PXDNL: variants seen among roughly 807,000 people sequenced by gnomAD.
PXDNL encodes the protein peroxidasin like.
A neutral mutation model predicts 150.8 loss-of-function variants in PXDNL; 145 were observed. The ratio of observed to expected loss-of-function variants is 0.96; its 90% CI spans 0.84 to 1.10. The LOEUF (loss-of-function observed/expected upper bound fraction) is 1.10. PXDNL is among the 50% of genes least tolerant of loss of function. The probability of loss-of-function intolerance (pLI) is 0.00; values close to 1 mark genes in which losing one functional copy is unlikely to be tolerated. For missense variants in PXDNL, 2,087 were observed against 1,873.9 expected, an observed-to-expected ratio of 1.11 and a Z score of -2.10; for synonymous variants, 757 against 725.7, an observed-to-expected ratio of 1.04 and a Z score of -0.69.
At position 51,578,005 on chromosome 8, in the gene PXDNL, G is replaced by GAAA. The variant is rs1813117276; in HGVS notation, c.308+14621_308+14622insTTT. On this transcript the variant is annotated intron_variant, in intron 3 of 22. Coordinates refer to ENST00000356297, the MANE Select transcript of PXDNL (RefSeq NM_144651.5). ...AAAGAAAGAAAGAAAGAAAGAGGAA[G>GAAA]GAAGGAAGGAAGGAAGGAAGGAAGG... Among the ~76,000 whole-genome samples the GAAA allele has an allele frequency of 3.6e-4, 27 of 74,936 alleles. 1 individual carries two copies. The highest frequency in any genetic ancestry group is 7.3e-4 in the African/African-American group (9 of 12,294). The allele number at this position is 74,936 out of a possible 152,430, so 49.2% of individuals were successfully genotyped here.
chr8:51,539,548 T>C (rs1812165919), intron 4 of PXDNL, among the ~76,000 whole-genome samples: 1 of 152,178 alleles, frequency 6.6e-6, no homozygotes, highest in Admixed American at 6.5e-5. Context: ...AAATATTTGT[T>C]AGAATTTAAC....
In PXDNL at chr8:51,538,816, G is replaced by C. The variant is rs1164221806; in HGVS notation, c.380+18024C>G. Among the ~76,000 whole-genome samples the C allele has an allele frequency of 2.0e-5, 3 of 152,122 alleles. No homozygotes were observed. The East Asian group carries it at 5.8e-4, about 29-fold the overall frequency. On this transcript the variant is annotated intron_variant, in intron 4 of 22. Coordinates refer to ENST00000356297, the MANE Select transcript of PXDNL (RefSeq NM_144651.5). ...TAATCAAAGTTGGAGACACTTTACT[G>C]TCTGATTTTAAGACTTGCTATAAAC...
chr8:51,778,062 T>A (rs2037371406), intron 1 of PXDNL, among the ~76,000 whole-genome samples: 2 of 151,766 alleles, frequency 1.3e-5, no homozygotes. Flanking sequence ...ATTGGCCGGG[T>A]GTGGTGGCTC....
At chr8:51,577,519 A>C (rs575249325) in intron 3 of PXDNL, among the ~76,000 whole-genome samples, 14 of 149,398 alleles carry the variant, frequency 9.4e-5, no homozygotes, top group Non-Finnish European at 1.9e-4. Flanking sequence ...AGAGAGAGAA[A>C]ACACAAGTAC....
intron 1 of PXDNL, among the ~76,000 whole-genome samples, chr8:51,681,052 G>C (rs1815739710): frequency 6.6e-6 from 1 of 152,100 alleles, no homozygotes; most frequent in African/African-American, 2.4e-5. Flanking sequence ...GTCACCCCCA[G>C]AGCCAGAAGG....
chr8:51,647,034 A>G (rs990550442), intron 2 of PXDNL, among the ~76,000 whole-genome samples: 1 of 152,134 alleles, frequency 6.6e-6, no homozygotes, highest in African/African-American at 2.4e-5. Flanking sequence ...TTTAAGAGAA[A>G]TGTATGCTCT....
At chr8:51,685,422 A>G (rs558530115) in intron 1 of PXDNL, among the ~76,000 whole-genome samples, 68 of 152,248 alleles carry the variant, frequency 4.5e-4, no homozygotes, top group African/African-American at 1.6e-3. Context: ...ATAGCCCTAC[A>G]TTTGGCAAAG....
At chr8:51,378,811 A>G (rs946344147) in intron 17 of PXDNL, among the ~76,000 whole-genome samples, 6 of 152,208 alleles carry the variant, frequency 3.9e-5, no homozygotes, top group African/African-American at 1.4e-4. Flanking sequence ...TCCTGAAGCC[A>G]GCAAGACTAT....
chr8:51,390,887 C>T (rs1472314270), intron 17 of PXDNL, among the ~76,000 whole-genome samples: 1 of 151,678 alleles, frequency 6.6e-6, no homozygotes, highest in Non-Finnish European at 1.5e-5. Context: ...TAATGCTATC[C>T]CTCCCCCCTC....
intron 3 of PXDNL, among the ~76,000 whole-genome samples, chr8:51,578,609 T>G (rs1195999805): frequency 6.6e-6 from 1 of 151,876 alleles, no homozygotes; most frequent in Non-Finnish European, 1.5e-5. Context: ...TTTGTACATG[T>G]AGACAAAATT....
intron 2 of PXDNL, among the ~76,000 whole-genome samples, chr8:51,638,446 C>G (rs1486806198): frequency 1.3e-5 from 2 of 152,166 alleles, no homozygotes; most frequent in South Asian, 4.2e-4. Flanking sequence ...GTGCTGTATT[C>G]AGGAGACCCA....
intron 1 of PXDNL, among the ~76,000 whole-genome samples, chr8:51,756,032 C>T (rs756354653): frequency 2.0e-5 from 3 of 152,062 alleles, no homozygotes; most frequent in Non-Finnish European, 2.9e-5. Flanking sequence ...GATAAAACTA[C>T]AATATTTTTT....
intron 2 of PXDNL, among the ~76,000 whole-genome samples, chr8:51,648,738 C>T (rs1360470144): frequency 2.0e-5 from 3 of 152,130 alleles, no homozygotes; most frequent in Non-Finnish European, 4.4e-5. Flanking sequence ...TGATTATCCT[C>T]TTTTATAGAT....
chr8:51,519,540 A>C lies in PXDNL; in HGVS notation c.381-19770T>G, dbSNP rs550446752. Among the ~76,000 whole-genome samples, 21 of 152,284 alleles carry C rather than the reference A, an allele frequency of 1.4e-4. No individual in the cohort carries two copies. In the East Asian group the frequency reaches 4.1e-3, roughly 29 times the overall value. On this transcript the variant is annotated intron_variant, in intron 4 of 22. Transcript: ENST00000356297. ...AGAGTGAGACACCATCTTAAAAAAA[A>C]ACAAAGCTTCCTGAAGAAAATGGAG...
At chr8:51,379,654 TTCTTAA>T (rs1240871180) in intron 17 of PXDNL, among the ~76,000 whole-genome samples, 14 of 152,316 alleles carry the variant, frequency 9.2e-5, no homozygotes, top group African/African-American at 2.2e-4. Flanking sequence ...TGAAAATATT[TTCTTAA>T]TCTTAAGGTC....
chr8:51,551,276 A>G (rs980721251), intron 4 of PXDNL, among the ~76,000 whole-genome samples: 4 of 152,254 alleles, frequency 2.6e-5, no homozygotes, highest in Middle Eastern at 3.4e-3. Context: ...TAAATTCAAT[A>G]CAATTTCCAC....
At chr8:51,680,283 G>A (rs959254114) in intron 1 of PXDNL, among the ~76,000 whole-genome samples, 1 of 152,160 alleles carries the variant, frequency 6.6e-6, no homozygotes, top group Non-Finnish European at 1.5e-5. Context: ...CTCTTGAGGT[G>A]TGAAATAGAG....
chr8:51,354,040 T>C (rs534282772), intron 19 of PXDNL, among the ~76,000 whole-genome samples: 2 of 152,200 alleles, frequency 1.3e-5, no homozygotes, highest in South Asian at 4.1e-4. Context: ...TCAGGCACAT[T>C]TGGGTCTTAT....
intron 1 of PXDNL, among the ~76,000 whole-genome samples, chr8:51,805,832 C>G (rs1054028402): frequency 6.6e-6 from 1 of 152,128 alleles, no homozygotes; most frequent in Non-Finnish European, 1.5e-5. Flanking sequence ...TAACCAGTAA[C>G]TAAGGAAATT....
Sources: gnomAD v4.1 joint callset for allele counts (sites outside exome capture counted in the v4.1 genomes callset) on GRCh38, gnomAD v4.1.1 for gene constraint, MANE v1.5 for transcripts, NCBI Gene and HGNC (gene_info 2026-07-23, HGNC 2026-07-21) for gene names.